The following RFTN2 variants were observed in gnomAD, a reference collection of about 807,000 sequenced individuals.
RFTN2 encodes the protein raftlin-2.
In RFTN2, 34 loss-of-function variants were observed where a neutral mutation model predicts 52.7. That is an observed-to-expected ratio of 0.64 (90% CI 0.49 to 0.86). The LOEUF is 0.86. Ranked by LOEUF, RFTN2 falls within the 40% of genes least tolerant of loss-of-function variation. The pLI is 0.00. For synonymous variants in RFTN2, 203 were observed against 217.7 expected, an observed-to-expected ratio of 0.93 and a Z score of 0.59; for missense variants, 536 against 600.1, an observed-to-expected ratio of 0.89 and a Z score of 1.12.
intron 7 of RFTN2, among the ~76,000 whole-genome samples, chr2:197,613,013 A>C (rs967909752): frequency 5.9e-5 from 9 of 152,212 alleles, no homozygotes; most frequent in African/African-American, 2.2e-4. Context: ...GATGATAGAC[A>C]TTCTTTTTTC....
chr2:197,646,897 CAAAAAA>C (rs35611096), intron 1 of RFTN2, among the ~76,000 whole-genome samples: 2 of 88,268 alleles, frequency 2.3e-5, no homozygotes, highest in African/African-American at 4.8e-5. Context: ...ATTGTCTCTA[CAAAAAA>C]AAAAAAAAAA....
intron 8 of RFTN2, among the ~76,000 whole-genome samples, chr2:197,589,005 C>T (rs1035167710): frequency 1.5e-4 from 23 of 151,868 alleles, no homozygotes; most frequent in East Asian, 9.7e-4. Flanking sequence ...AGGTGGACCA[C>T]GAGGTCAGGA....
chr2:197,661,714 A>G (rs576618067), intron 1 of RFTN2, among the ~76,000 whole-genome samples: 25 of 152,220 alleles, frequency 1.6e-4, no homozygotes, highest in African/African-American at 6.0e-4. Flanking sequence ...AAATCTCTAC[A>G]CTCTTTTCCA....
At chr2:197,652,989 T>G (rs1299769477) in intron 1 of RFTN2, among the ~76,000 whole-genome samples, 2 of 152,260 alleles carry the variant, frequency 1.3e-5, no homozygotes, top group African/African-American at 4.8e-5. Flanking sequence ...GGAGGCTCAC[T>G]AAGTTCTTTA....
chr2:197,581,765 A>T (rs1181158215), intron 8 of RFTN2, among the ~76,000 whole-genome samples: 1 of 152,022 alleles, frequency 6.6e-6, no homozygotes, highest in Non-Finnish European at 1.5e-5. Flanking sequence ...GATCTCTCAA[A>T]CCCCAACCCC....
Position 197,575,786 on chromosome 2 carries a change from A to G in RFTN2, c.1234-3506T>C, listed in dbSNP as rs949607481. Among the ~76,000 whole-genome samples the G allele has an allele frequency of 8.1e-5, 8 of 99,134 alleles. No individual in the cohort carries two copies. In the South Asian group the frequency reaches 2.1e-3, roughly 26 times the overall value. The allele number at this position is 99,134 out of a possible 152,430, so 65.0% of individuals were successfully genotyped here. ...TATATATAATATATATTCTATATATAATATATTATATATATTTTATATACA... is the reference window on the plus strand; with the variant it reads ...TATATATAATATATATTCTATATATGATATATTATATATATTTTATATACA... On this transcript the variant is annotated intron_variant, in intron 8 of 8. Coordinates refer to ENST00000295049, the MANE Select transcript of RFTN2 (RefSeq NM_144629.3).
chr2:197,612,033 CAT>C (rs928848073), intron 7 of RFTN2, among the ~76,000 whole-genome samples: 6 of 152,110 alleles, frequency 3.9e-5, no homozygotes, highest in South Asian at 2.1e-4. Context: ...TACTTCCAAA[CAT>C]GTGTTCAATT....
At chr2:197,591,527 T>C (rs974888511) in intron 8 of RFTN2, among the ~76,000 whole-genome samples, 1 of 152,234 alleles carries the variant, frequency 6.6e-6, no homozygotes, top group African/African-American at 2.4e-5. Flanking sequence ...CAGGTGGAGC[T>C]GTCTGCCAGT....
intron 1 of RFTN2, among the ~76,000 whole-genome samples, chr2:197,673,021 A>G (rs1450382148): frequency 6.6e-6 from 1 of 152,136 alleles, no homozygotes; most frequent in Non-Finnish European, 1.5e-5. Flanking sequence ...GGCACTGTGG[A>G]TTTTCAGAGG....
chr2:197,612,282 C>T (rs542991937), intron 7 of RFTN2, among the ~76,000 whole-genome samples: 11 of 152,200 alleles, frequency 7.2e-5, no homozygotes, highest in Admixed American at 2.0e-4. Context: ...TCACCCCCTC[C>T]CTTACCCTCA....
chr2:197,606,845 G>T (rs1364478655), intron 7 of RFTN2, among the ~76,000 whole-genome samples: 1 of 151,584 alleles, frequency 6.6e-6, no homozygotes, highest in African/African-American at 2.4e-5. Context: ...TGCTGGAGAG[G>T]ATGTGGAGAA....
intron 8 of RFTN2, among the ~76,000 whole-genome samples, chr2:197,592,385 G>A (rs10176627): frequency 0.04 from 6,048 of 152,160 alleles, 386 homozygotes; most frequent in African/African-American, 0.14. Context: ...AGTAGAGAAG[G>A]GGTTTTTCCA....
At chr2:197,649,851 G>T (rs1458863723) in intron 1 of RFTN2, among the ~76,000 whole-genome samples, 1 of 152,146 alleles carries the variant, frequency 6.6e-6, no homozygotes, top group Non-Finnish European at 1.5e-5. Flanking sequence ...CACTTAAGTT[G>T]CTACTACATA....
At chr2:197,672,800 C>G (rs2089164862) in intron 1 of RFTN2, among the ~76,000 whole-genome samples, 1 of 151,962 alleles carries the variant, frequency 6.6e-6, no homozygotes, top group Non-Finnish European at 1.5e-5. Context: ...TATGATTTCT[C>G]CTATAGAGAT....
chr2:197,657,051 G>A (rs2088904668), intron 1 of RFTN2, among the ~76,000 whole-genome samples: 1 of 151,894 alleles, frequency 6.6e-6, no homozygotes, highest in Non-Finnish European at 1.5e-5. Context: ...TTTTGGTAGA[G>A]ATGGGGTCTT....
intron 8 of RFTN2, among the ~76,000 whole-genome samples, chr2:197,587,287 A>C (rs1049904418): frequency 7.9e-5 from 12 of 151,940 alleles, no homozygotes; most frequent in Non-Finnish European, 4.4e-5. Context: ...TACCACCCCC[A>C]AAAATTTTCG....
At chr2:197,606,565 T>C (rs1370921381) in intron 7 of RFTN2, among the ~76,000 whole-genome samples, 3 of 151,992 alleles carry the variant, frequency 2.0e-5, no homozygotes, top group Non-Finnish European at 4.4e-5. Flanking sequence ...GGAGAAAATT[T>C]TCGCAACCTA....
chr2:197,671,578 T>C (rs1174501629), intron 1 of RFTN2, among the ~76,000 whole-genome samples: 4 of 152,244 alleles, frequency 2.6e-5, no homozygotes, highest in African/African-American at 9.6e-5. Flanking sequence ...TTTGACCGAG[T>C]TGAATACAAA....
chr2:197,572,056 G>A lies in RFTN2; in HGVS notation c.1458C>T (p.Asp486=), dbSNP rs142633684. ...CTCCATCTTCCTGATCAAACTGTCC[G>A]TCGTCTAATTCCCGGAGGACGTTGT... ...SSDNVLRELD[D]GQFDQEDGVT... is the part of the protein sequence containing the mutation. Residue 486 remains aspartate, a synonymous_variant, in exon 9 of 9, where the codon GAC becomes GAT. Transcript: ENST00000295049. The A allele has an allele frequency of 4.0e-4, 638 of 1,614,150 alleles. 1 individual carries two copies. The highest frequency in any genetic ancestry group is 1.3e-3 in the African/African-American group (97 of 75,030).
Sources: allele counts gnomAD v4.1 joint callset (sites outside exome capture counted in the v4.1 genomes callset), GRCh38; gene constraint gnomAD v4.1.1; transcripts MANE v1.5; gene names NCBI Gene and HGNC (gene_info 2026-07-23, HGNC 2026-07-21).